The following GCSAML variants were observed in gnomAD, a reference collection of about 807,000 sequenced individuals.
The protein encoded by GCSAML is germinal center-associated signaling and motility-like protein.
A neutral mutation model predicts 13.0 loss-of-function variants in GCSAML; 9 were observed. The ratio of observed to expected loss-of-function variants is 0.69; its 90% CI spans 0.42 to 1.21. The LOEUF is 1.21. Among genes scored for constraint, GCSAML ranks in the 50% most tolerant of loss-of-function variants. The pLI, the probability that GCSAML is intolerant of heterozygous loss-of-function variation, is 0.00. For missense variants in GCSAML, 143 were observed against 153.4 expected, an observed-to-expected ratio of 0.93 and a Z score of 0.36; for synonymous variants, 37 against 52.9, an observed-to-expected ratio of 0.70 and a Z score of 1.31.
intron 4 of GCSAML, among the ~76,000 whole-genome samples, chr1:247,569,506 G>C (rs537899583): frequency 1.4e-4 from 21 of 152,076 alleles, no homozygotes; most frequent in Non-Finnish European, 2.8e-4. Context: ...AATAGATTAC[G>C]TTTATTGATT....
intron 2 of GCSAML, chr1:247,530,847 TCC>T (rs1666911182): frequency 1.5e-5 from 1 of 67,352 alleles, no homozygotes; most frequent in Non-Finnish European, 3.4e-5. Flanking sequence ...CCTAACGGCC[TCC>T]GGGCGCATTT....
chr1:247,516,501 C>T (rs1440861121), intron 1 of GCSAML, among the ~76,000 whole-genome samples: 1 of 150,878 alleles, frequency 6.6e-6, no homozygotes, highest in African/African-American at 2.4e-5. Context: ...ATAATAGATT[C>T]AGTTTCTAAA....
intron 1 of GCSAML, among the ~76,000 whole-genome samples, chr1:247,512,373 C>G (rs1666074185): frequency 6.6e-6 from 1 of 151,902 alleles, no homozygotes; most frequent in African/African-American, 2.4e-5. Context: ...CATTTATGTT[C>G]TTCTCTAAAC....
upstream of GCSAML, among the ~76,000 whole-genome samples, chr1:247,547,890 T>C (rs569737326): frequency 4.6e-5 from 7 of 152,336 alleles, no homozygotes; most frequent in Admixed American, 4.6e-4. Context: ...GGTACATAGG[T>C]TGTCACATAC....
intron 2 of GCSAML, chr1:247,538,918 T>C: frequency 3.0e-6 from 1 of 332,176 alleles, no homozygotes; most frequent in Non-Finnish European, 6.0e-6. Context: ...ACGAACCCTG[T>C]TGTACACCTG....
chr1:247,548,012 T>C (rs887506334), upstream of GCSAML, among the ~76,000 whole-genome samples: 1 of 152,202 alleles, frequency 6.6e-6, no homozygotes, highest in East Asian at 1.9e-4. This position sits in a 1 kb window ranked among gnomAD's most constrained non-coding sequence, Gnocchi z 5.3. Flanking sequence ...TAAATAATGA[T>C]AAAGCACTCC....
intron 1 of GCSAML, among the ~76,000 whole-genome samples, chr1:247,555,571 C>T (rs1667918897): frequency 6.6e-6 from 1 of 152,180 alleles, no homozygotes; most frequent in Non-Finnish European, 1.5e-5. Flanking sequence ...TCAGGGAAGG[C>T]ACTTTCTCAG....
At chr1:247,548,775 T>C (rs1667663919), upstream of GCSAML, among the ~76,000 whole-genome samples, 1 of 152,244 alleles carries the variant, frequency 6.6e-6, no homozygotes, top group Non-Finnish European at 1.5e-5. This position sits in a 1 kb window ranked among gnomAD's most constrained non-coding sequence, Gnocchi z 5.3. Context: ...AACTCTCTTA[T>C]TGCATTGTGT....
intron 2 of GCSAML, among the ~76,000 whole-genome samples, chr1:247,534,373 G>A (rs1667132208): frequency 6.6e-6 from 1 of 152,154 alleles, no homozygotes; most frequent in Admixed American, 6.5e-5. Flanking sequence ...GGAAGAGGCA[G>A]GACTAGAGTA....
chr1:247,521,076 G>A (rs1666397991), intron 1 of GCSAML, among the ~76,000 whole-genome samples: 2 of 150,672 alleles, frequency 1.3e-5, no homozygotes, highest in East Asian at 1.9e-4. Flanking sequence ...TTATTCTGTG[G>A]TGAAATAAAT....
At chr1:247,511,605 T>C (rs544996923) in intron 1 of GCSAML, among the ~76,000 whole-genome samples, 14 of 152,226 alleles carry the variant, frequency 9.2e-5, no homozygotes, top group Non-Finnish European at 1.9e-4. Context: ...GCAGTTTCTT[T>C]ATAGTGTCAA....
At chr1:247,547,372 G>A (rs895319836), upstream of GCSAML, among the ~76,000 whole-genome samples, 1 of 152,126 alleles carries the variant, frequency 6.6e-6, no homozygotes, top group African/African-American at 2.4e-5. Flanking sequence ...CAGGAGATTT[G>A]TTTACCAGAC....
intron 4 of GCSAML, among the ~76,000 whole-genome samples, chr1:247,566,390 G>A (rs58527159): frequency 0.078 from 11,908 of 152,000 alleles, 634 homozygotes; most frequent in African/African-American, 0.15. Context: ...TTACAGGTGT[G>A]CACCACCACA....
At position 247,558,303 on chromosome 1, in the gene GCSAML, A is replaced by G. The variant is rs555044236; in HGVS notation, c.89+1837A>G. On this transcript the variant is annotated intron_variant, in intron 2 of 4. Coordinates refer to ENST00000366488, the MANE Select transcript of GCSAML (RefSeq NM_145278.5). ...GGATTTTCTACATCTTCCTGAGTCA[A>G]TTTTGATTATTGGATTCTTATCAGA... Among the ~76,000 whole-genome samples, 4 of 152,282 alleles carry G rather than the reference A, an allele frequency of 2.6e-5. No homozygotes were observed. The East Asian group carries it at 7.7e-4, about 29-fold the overall frequency.
chr1:247,516,179 C>A (rs1572282164), intron 1 of GCSAML, among the ~76,000 whole-genome samples: 1 of 152,220 alleles, frequency 6.6e-6, no homozygotes, highest in South Asian at 2.1e-4. Flanking sequence ...GGCAGGACCA[C>A]TTCCTTCTTG....
chr1:247,519,506 C>T (rs1666341207), intron 1 of GCSAML: 1 of 152,186 alleles, frequency 6.6e-6, no homozygotes, highest in African/African-American at 2.4e-5. Flanking sequence ...CAGGCTGTTA[C>T]CTGCCCCCTC....
chr1:247,548,970 G>C (rs899968707), upstream of GCSAML: 5 of 1,165,402 alleles, frequency 4.3e-6, no homozygotes, highest in Non-Finnish European at 3.6e-6. The surrounding 1 kb of genome is among the most constrained non-coding windows in gnomAD (Gnocchi z 5.3). Flanking sequence ...GTGCGTGCAG[G>C]CACACACACG....
chr1:247,542,707 C>T (rs1667451904), intron 2 of GCSAML, among the ~76,000 whole-genome samples: 1 of 152,092 alleles, frequency 6.6e-6, no homozygotes, highest in Non-Finnish European at 1.5e-5. Context: ...ATCTAGTCAC[C>T]CCTGTGATGT....
intron 2 of GCSAML, among the ~76,000 whole-genome samples, chr1:247,541,522 A>G (rs1045666151): frequency 1.3e-5 from 2 of 152,208 alleles, no homozygotes; most frequent in African/African-American, 2.4e-5. Context: ...AGCCCAAATA[A>G]AAAATCAGGT....
Sources: gnomAD v4.1 joint callset for allele counts (sites outside exome capture counted in the v4.1 genomes callset) on GRCh38, gnomAD v4.1.1 for gene constraint, Gnocchi (gnomAD v3.1) non-coding constraint, MANE v1.5 for transcripts, NCBI Gene and HGNC (gene_info 2026-07-23, HGNC 2026-07-21) for gene names.